The following HCN1 variants were observed in gnomAD, a reference collection of about 807,000 sequenced individuals.
HCN1 encodes hyperpolarization activated cyclic nucleotide gated potassium channel 1, also known as potassium/sodium hyperpolarization-activated cyclic nucleotide-gated channel 1.
Under a neutral mutation model 78.9 loss-of-function variants are expected in HCN1, and 13 were observed. The ratio of observed to expected loss-of-function variants is 0.16; its 90% CI spans 0.11 to 0.26. The LOEUF (loss-of-function observed/expected upper bound fraction) is 0.26, where lower values mean the gene tolerates loss of function less well. Ranked by LOEUF, HCN1 falls within the 10% of genes least tolerant of loss-of-function variation. The pLI, the probability that HCN1 is intolerant of heterozygous loss-of-function variation, is 1.00. For synonymous variants in HCN1, 552 were observed against 455.5 expected (o/e 1.21, Z -2.70); for missense variants, 810 against 1,154.3 (o/e 0.70, Z 4.32).
intron 2 of HCN1, among the ~76,000 whole-genome samples, chr5:45,498,095 T>C (rs1332873254): frequency 6.6e-6 from 1 of 152,164 alleles, no homozygotes; most frequent in Non-Finnish European, 1.5e-5. Context: ...AGTATCTTTG[T>C]GGCGTTCTCT....
rs146366651 is a variant in HCN1 at position 45,631,464 on chromosome 5, G to A, written c.849+13721C>T. Among the ~76,000 whole-genome samples the A allele has an allele frequency of 3.7e-4, 57 of 152,156 alleles. 1 individual carries two copies. The East Asian group carries it at 7.7e-3, about 21-fold the overall frequency. On this transcript the variant is annotated intron_variant, in intron 2 of 7. Transcript: ENST00000303230. ...GTATGAGATGACAAGAAGCAGGACC[G>A]CTAGCCCACCTATGATGGTTATGTA...
chr5:45,318,421 GGGGA>G (rs1423745177), intron 5 of HCN1, among the ~76,000 whole-genome samples: 1 of 152,028 alleles, frequency 6.6e-6, no homozygotes, highest in Non-Finnish European at 1.5e-5. Context: ...TCGTGGGGTG[GGGGA>G]GGGAGGAAGG....
intron 4 of HCN1, among the ~76,000 whole-genome samples, chr5:45,372,665 T>A (rs1369670533): frequency 5.0e-5 from 4 of 80,152 alleles, no homozygotes; most frequent in African/African-American, 3.5e-4. Flanking sequence ...AACATTTATA[T>A]ATAAAAATAT....
chr5:45,483,554 C>T (rs1378094415), intron 2 of HCN1, among the ~76,000 whole-genome samples: 1 of 152,044 alleles, frequency 6.6e-6, no homozygotes, highest in Non-Finnish European at 1.5e-5. Flanking sequence ...CGAATATGTT[C>T]TCCCATTCTG....
chr5:45,465,809 T>C (rs1741259226), intron 2 of HCN1, among the ~76,000 whole-genome samples: 1 of 152,148 alleles, frequency 6.6e-6, no homozygotes, highest in Admixed American at 6.6e-5. Context: ...ATATCTAGAC[T>C]ACAAACAATG....
chr5:45,372,272 TA>T (rs1747412957), intron 4 of HCN1, among the ~76,000 whole-genome samples: 1 of 91,106 alleles, frequency 1.1e-5, no homozygotes, highest in Non-Finnish European at 1.9e-5. Flanking sequence ...TATATATATT[TA>T]TATATATAAT....
rs1234068441 is a variant in HCN1, at chr5:45,353,141, C to T, written c.1336G>A (p.Glu446Lys). The T allele has an allele frequency of 6.2e-7, 1 of 1,611,918 alleles. No homozygotes were observed. Among genetic ancestry groups the T allele is most frequent in the Admixed American group, 1.7e-5 (1 of 59,850 alleles). Residue 446 changes from glutamate (E) to lysine (K), a missense_variant, in exon 5 of 8, where the codon GAG becomes AAG. Physicochemically the swap from Glu to Lys is moderately conservative, Grantham distance 56. Coordinates refer to ENST00000303230, the MANE Select transcript of HCN1 (RefSeq NM_021072.4). ...TTGAGTTCATTGAGAATATTTTCCT[C>T]ATCAAAGATTTTGCCTTGGTATCTG... Reference protein sequence around the residue: ...EHRYQGKIFDEENILNELNDP... With the variant: ...EHRYQGKIFDKENILNELNDP...
intron 2 of HCN1, among the ~76,000 whole-genome samples, chr5:45,634,352 TA>T (rs1334639791): frequency 6.6e-6 from 1 of 151,994 alleles, no homozygotes; most frequent in East Asian, 1.9e-4. Flanking sequence ...TTGAAGATGA[TA>T]AAGATCTTGA....
chr5:45,434,773 C>A (rs896685396), intron 3 of HCN1, among the ~76,000 whole-genome samples: 2 of 151,948 alleles, frequency 1.3e-5, no homozygotes, highest in African/African-American at 2.4e-5. Context: ...ATAAGTCTTA[C>A]AACAATGCAA....
intron 6 of HCN1, among the ~76,000 whole-genome samples, chr5:45,289,890 T>C (rs1258097272): frequency 6.6e-6 from 1 of 151,916 alleles, no homozygotes; most frequent in Non-Finnish European, 1.5e-5. Flanking sequence ...CATACTGCCT[T>C]CTTTGTATTC....
chr5:45,567,838 A>C (rs976097239), intron 2 of HCN1, among the ~76,000 whole-genome samples: 1 of 150,298 alleles, frequency 6.7e-6, no homozygotes, highest in African/African-American at 2.4e-5. Context: ...CAGCCTCCTT[A>C]ACATGATTCT....
chr5:45,640,613 C>T (rs1470619995), intron 2 of HCN1, among the ~76,000 whole-genome samples: 1 of 146,702 alleles, frequency 6.8e-6, no homozygotes, highest in East Asian at 2.0e-4. Context: ...TCACTCTTGT[C>T]GCCCAGGCTG....
At chr5:45,597,827 G>T (rs1352344987) in intron 2 of HCN1, among the ~76,000 whole-genome samples, 2 of 152,086 alleles carry the variant, frequency 1.3e-5, no homozygotes, top group Non-Finnish European at 2.9e-5. Context: ...GCTACAAAGA[G>T]AATAAAATAC....
At chr5:45,284,241 A>G (rs1745225924) in intron 6 of HCN1, among the ~76,000 whole-genome samples, 1 of 152,054 alleles carries the variant, frequency 6.6e-6, no homozygotes, top group Non-Finnish European at 1.5e-5. Flanking sequence ...CATGACATGA[A>G]TTTACTTATG....
intron 7 of HCN1, among the ~76,000 whole-genome samples, chr5:45,264,670 T>C (rs772820341): frequency 6.6e-6 from 1 of 152,312 alleles, no homozygotes; most frequent in East Asian, 1.9e-4. Flanking sequence ...AACTGCAGCA[T>C]ACATCTATAT....
intron 5 of HCN1, among the ~76,000 whole-genome samples, chr5:45,335,170 C>T (rs1746428215): frequency 6.6e-6 from 1 of 151,942 alleles, no homozygotes; most frequent in East Asian, 1.9e-4. Flanking sequence ...ACTTTGGAGA[C>T]AGGCTCAGAA....
intron 4 of HCN1, among the ~76,000 whole-genome samples, chr5:45,354,945 C>G (rs767709736): frequency 1.3e-5 from 2 of 151,958 alleles, no homozygotes; most frequent in African/African-American, 2.4e-5. Flanking sequence ...ATGCAAAGAC[C>G]TACTAATCTA....
chr5:45,685,013 A>G (rs1739774945), intron 1 of HCN1, among the ~76,000 whole-genome samples: 1 of 152,220 alleles, frequency 6.6e-6, no homozygotes, highest in Admixed American at 6.5e-5. Context: ...CTGCAAGGGT[A>G]TAAGTGACAA....
At chr5:45,654,346 T>C (rs187225717) in intron 1 of HCN1, among the ~76,000 whole-genome samples, 30 of 152,254 alleles carry the variant, frequency 2.0e-4, no homozygotes, top group Admixed American at 1.0e-3. Flanking sequence ...AGAAATAATG[T>C]ATAAAATAGC....
Sources: allele counts gnomAD v4.1 joint callset (sites outside exome capture counted in the v4.1 genomes callset), GRCh38; gene constraint gnomAD v4.1.1; transcripts MANE v1.5; gene names NCBI Gene and HGNC (gene_info 2026-07-23, HGNC 2026-07-21).